SPACA6: variants seen among roughly 807,000 people sequenced by gnomAD.
The protein encoded by SPACA6 is sperm acrosome associated 6.
For synonymous variants in SPACA6, 6 were observed against 1.5 expected (o/e 4.05, Z -2.21); for missense variants, 8 against 2.8 (o/e 2.88, Z -1.34).
upstream of SPACA6, among the ~76,000 whole-genome samples, chr19:51,691,719 C>G (rs1466006433): frequency 6.7e-6 from 1 of 148,842 alleles, no homozygotes; most frequent in Non-Finnish European, 1.5e-5. Context: ...GAAGGTGCGC[C>G]TGGAGCAGGG....
At chr19:51,708,952 TC>T (rs1568622222), downstream of SPACA6, among the ~76,000 whole-genome samples, 1 of 151,586 alleles carries the variant, frequency 6.6e-6, no homozygotes, top group East Asian at 1.9e-4. Context: ...CGGGAGGACA[TC>T]CAGGAGGCCA....
At chr19:51,699,352 A>G (rs1227465645) in intron 2 of SPACA6, among the ~76,000 whole-genome samples, 2 of 152,132 alleles carry the variant, frequency 1.3e-5, no homozygotes, top group East Asian at 1.9e-4. Flanking sequence ...TTTGCATCCT[A>G]TGGCTACAAC....
upstream of SPACA6, chr19:51,692,482 C>A: frequency 2.5e-6 from 1 of 403,018 alleles, no homozygotes; most frequent in Non-Finnish European, 4.9e-6. The surrounding 1 kb of genome is among the most constrained non-coding windows in gnomAD (Gnocchi z 5.6). Flanking sequence ...AGGGCCTAGA[C>A]TTCTGGGTTC....
At chr19:51,695,834 C>T (rs886689169) in intron 2 of SPACA6, among the ~76,000 whole-genome samples, 2 of 152,076 alleles carry the variant, frequency 1.3e-5, no homozygotes, top group Non-Finnish European at 2.9e-5. Context: ...GGGCTGGGGC[C>T]GTGAAGGTGG....
At chr19:51,705,607 C>T (rs1003006858), downstream of SPACA6, among the ~76,000 whole-genome samples, 1 of 152,134 alleles carries the variant, frequency 6.6e-6, no homozygotes, top group African/African-American at 2.4e-5. Context: ...ACCCCCACCT[C>T]ATGTCTGGAT....
chr19:51,688,957 A>G (rs368872981), upstream of SPACA6, among the ~76,000 whole-genome samples: 1,110 of 71,676 alleles, frequency 0.015, 16 homozygotes, highest in African/African-American at 0.051. Context: ...AGGGAGAGAG[A>G]GAGCGAGAGA....
At chr19:51,708,435 CA>C (rs1329709979), downstream of SPACA6, among the ~76,000 whole-genome samples, 1 of 152,104 alleles carries the variant, frequency 6.6e-6, no homozygotes, top group Non-Finnish European at 1.5e-5. Flanking sequence ...AGGGAAGTAG[CA>C]GTAGGATCTG....
chr19:51,695,452 C>A (rs1449569994), intron 2 of SPACA6, among the ~76,000 whole-genome samples: 2 of 152,222 alleles, frequency 1.3e-5, no homozygotes, highest in African/African-American at 4.8e-5. Flanking sequence ...CTTATTCCCA[C>A]ACCCACAGTC....
At chr19:51,701,885 C>T (rs532587278) in intron 3 of SPACA6, 159 bp downstream of exon 3, 3 of 369,568 alleles carry the variant, frequency 8.1e-6, no homozygotes, top group Non-Finnish European at 1.5e-5. Flanking sequence ...GCAGTCTGAC[C>T]AACATGGTGA....
chr19:51,710,005 A>T (rs113142430), downstream of SPACA6, among the ~76,000 whole-genome samples: 8 of 152,358 alleles, frequency 5.3e-5, 1 homozygote, highest in African/African-American at 1.9e-4. Context: ...TGTGGCCGTG[A>T]AGCATGTGAA....
At chr19:51,697,039 T>A (rs1321534310) in intron 2 of SPACA6, among the ~76,000 whole-genome samples, 3 of 152,158 alleles carry the variant, frequency 2.0e-5, no homozygotes, top group Non-Finnish European at 4.4e-5. Context: ...AAATGCAGAT[T>A]TCTGGGCTTC....
rs908602164 is a variant in SPACA6, at chr19:51,704,158, C to T, written c.702C>T (p.Pro234=). 2 of 401,054 alleles carry T rather than the reference C, an allele frequency of 5.0e-6. No individual in the cohort carries two copies. Among genetic ancestry groups the T allele is most frequent in the African/African-American group, 2.1e-5 (1 of 48,708 alleles). The allele number at this position is 401,054 out of a possible 1,614,324, so 24.8% of individuals were successfully genotyped here. The change falls in exon 7 of 9, where the codon CCC becomes CCT. Residue 234 remains proline, a synonymous_variant. Coordinates refer to ENST00000637797, the MANE Select transcript of SPACA6 (RefSeq NM_001316972.2). Reference sequence around the variant, plus strand: ...GCGTGATCAAGCAAGACCAGCGCCCCCTGGCCCGGCTCTACTTCTTTCTTA... The same window carrying T: ...GCGTGATCAAGCAAGACCAGCGCCCTCTGGCCCGGCTCTACTTCTTTCTTA... ...FSCVIKQDQR[P]LARLYFFLNV...
At chr19:51,692,940 C>T (rs1229946200), upstream of SPACA6, 1 of 497,318 alleles carries the variant, frequency 2.0e-6, no homozygotes, top group Non-Finnish European at 4.2e-6. This position sits in a 1 kb window ranked among gnomAD's most constrained non-coding sequence, Gnocchi z 5.6. Flanking sequence ...CTGGGCTGCC[C>T]CAGGGACCCT....
upstream of SPACA6, among the ~76,000 whole-genome samples, chr19:51,690,442 G>T (rs994611681): frequency 6.6e-6 from 1 of 152,030 alleles, no homozygotes; most frequent in African/African-American, 2.4e-5. Flanking sequence ...GGATCCCCAG[G>T]CCCCTCCTCC....
At chr19:51,692,031 G>T (rs1294501715), upstream of SPACA6, among the ~76,000 whole-genome samples, 1 of 152,102 alleles carries the variant, frequency 6.6e-6, no homozygotes, top group African/African-American at 2.4e-5. This position sits in a 1 kb window ranked among gnomAD's most constrained non-coding sequence, Gnocchi z 5.6. Flanking sequence ...GCCTGGTATG[G>T]GGTCAGCGCT....
chr19:51,701,491 AAT>A (rs956016790), intron 2 of SPACA6, among the ~76,000 whole-genome samples, 165 bp from the exon 3 acceptor site: 2 of 151,962 alleles, frequency 1.3e-5, no homozygotes, highest in African/African-American at 4.8e-5. Flanking sequence ...AGAATATGGT[AAT>A]GAGAGGGGTG....
chr19:51,692,524 C>T, upstream of SPACA6: 1 of 451,310 alleles, frequency 2.2e-6, no homozygotes, highest in Non-Finnish European at 4.4e-6. The surrounding 1 kb of genome is among the most constrained non-coding windows in gnomAD (Gnocchi z 5.6). Context: ...AGCCTTGACT[C>T]CAGGGTCCCT....
At chr19:51,694,204 T>A in intron 1 of SPACA6, 1 of 332,806 alleles carries the variant, frequency 3.0e-6, no homozygotes. Flanking sequence ...GGGTGGAAGA[T>A]GGAGACTCAA....
At chr19:51,683,309 G>A in the SPACA6 span, among the ~76,000 whole-genome samples, 1 of 152,050 alleles carries the variant, frequency 6.6e-6, no homozygotes, top group Non-Finnish European at 1.5e-5. Flanking sequence ...CCAGTCATTG[G>A]ATTTAGGGCC....
Sources: allele counts gnomAD v4.1 joint callset (sites outside exome capture counted in the v4.1 genomes callset), GRCh38; gene constraint gnomAD v4.1.1; non-coding constraint Gnocchi (gnomAD v3.1); transcripts MANE v1.5; gene names NCBI Gene and HGNC (gene_info 2026-07-23, HGNC 2026-07-21).